Variants in PRDM6 observed in about 807,000 individuals in gnomAD.
PRDM6 encodes the protein putative histone-lysine N-methyltransferase PRDM6.
Under a neutral mutation model 60.8 loss-of-function variants are expected in PRDM6, and 25 were observed. The observed-to-expected ratio is 0.41, with a 90% CI of 0.30 to 0.57. The LOEUF (loss-of-function observed/expected upper bound fraction) is 0.57, where lower values mean the gene tolerates loss of function less well. Ranked by LOEUF, PRDM6 falls within the 20% of genes least tolerant of loss-of-function variation. The pLI, the probability that PRDM6 is intolerant of heterozygous loss-of-function variation, is 0.27. For synonymous variants in PRDM6, 407 were observed against 357.4 expected, an observed-to-expected ratio of 1.14 and a Z score of -1.57; for missense variants, 839 against 821.3, an observed-to-expected ratio of 1.02 and a Z score of -0.26.
intron 3 of PRDM6, among the ~76,000 whole-genome samples, chr5:123,123,743 T>C (rs773629771): frequency 6.6e-6 from 1 of 152,218 alleles, no homozygotes; most frequent in African/African-American, 2.4e-5. Context: ...TTGGAAACTT[T>C]AGGCCCATTT....
intron 4 of PRDM6, 77 bp from the exon 5 acceptor site, chr5:123,159,437 T>A: frequency 6.0e-6 from 9 of 1,498,014 alleles, no homozygotes; most frequent in Non-Finnish European, 7.2e-6. Flanking sequence ...TAGAACTTTT[T>A]CAGGGCAATA....
intron 7 of PRDM6, among the ~76,000 whole-genome samples, chr5:123,184,683 T>C (rs1473275492): frequency 1.3e-5 from 2 of 152,126 alleles, no homozygotes; most frequent in Non-Finnish European, 2.9e-5. Flanking sequence ...TTGAGATGAG[T>C]TTCATTAAAG....
rs773739323 is a variant in PRDM6, at chr5:123,159,537, G to C, written c.1052G>C (p.Cys351Ser). ...QYRSNIFYRA[C>S]IDIPRGTELL... ...AGGTCGAATATATTCTACCGAGCCT[G>C]TATAGATATCCCTAGGGGCACCGAG... Residue 351 changes from cysteine (C) to serine (S), a missense_variant, in exon 5 of 8, where the codon TGT (cysteine) becomes TCT (serine). Cys to Ser is a moderately radical substitution (Grantham distance 112). This residue lies in a region of PRDM6 where 730 missense variants were observed against 648.8 expected (regional missense o/e 1.13). Coordinates refer to ENST00000407847, the MANE Select transcript of PRDM6 (RefSeq NM_001136239.4). 1.3e-6 allele frequency: 2 copies of C among 1,551,454 alleles called. No individual in the cohort carries two copies. The highest frequency in any genetic ancestry group is 3.9e-5 in the Admixed American group (2 of 51,004).
chr5:123,106,932 C>T (rs163189), intron 3 of PRDM6, among the ~76,000 whole-genome samples: 123,405 of 152,232 alleles, frequency 0.81, 50,370 homozygotes, highest in Middle Eastern at 0.87. Context: ...CATTCCCTGA[C>T]ATCTATAGCT....
intron 3 of PRDM6, among the ~76,000 whole-genome samples, chr5:123,150,009 C>T (rs1399111562): frequency 1.3e-5 from 2 of 152,108 alleles, no homozygotes; most frequent in South Asian, 2.1e-4. Context: ...GGCCAGTGTC[C>T]GTGAGCAAGT....
intron 3 of PRDM6, among the ~76,000 whole-genome samples, chr5:123,140,911 A>C (rs943862534): frequency 4.6e-5 from 7 of 152,214 alleles, no homozygotes; most frequent in African/African-American, 1.7e-4. Context: ...TTTACAGGCT[A>C]TTCTTTCATC....
chr5:123,108,129 G>A (rs1342188256), intron 3 of PRDM6, among the ~76,000 whole-genome samples: 1 of 151,990 alleles, frequency 6.6e-6, no homozygotes, highest in Non-Finnish European at 1.5e-5. Context: ...ATGCAATTGT[G>A]AAATAATGAT....
At chr5:123,103,663 T>G (rs1174642446) in intron 3 of PRDM6, among the ~76,000 whole-genome samples, 1 of 152,034 alleles carries the variant, frequency 6.6e-6, no homozygotes, top group East Asian at 1.9e-4. Flanking sequence ...TTAATCTAGT[T>G]GCACACGGTT....
rs375487572 is a variant in PRDM6, at chr5:123,135,288, G to T, written c.901-20596G>T. ...ATTTTATTTATTCTATCAGATGAAG[G>T]TTTAGAAACCAGCAACTCAGACACA... On this transcript the variant is annotated intron_variant, in intron 3 of 7. Transcript: ENST00000407847. Among the ~76,000 whole-genome samples the T allele has an allele frequency of 1.5e-4, 23 of 152,286 alleles. No individual in the cohort carries two copies. The East Asian group carries it at 2.1e-3, about 14-fold the overall frequency.
intron 3 of PRDM6, among the ~76,000 whole-genome samples, chr5:123,122,789 T>TA (rs199503171): frequency 2.6e-5 from 4 of 151,628 alleles, no homozygotes; most frequent in South Asian, 4.2e-4. Flanking sequence ...AATAAACCTT[T>TA]AAAAAAAAAG....
chr5:123,150,821 C>T (rs116217039), intron 3 of PRDM6, among the ~76,000 whole-genome samples: 15 of 152,244 alleles, frequency 9.9e-5, no homozygotes, highest in Admixed American at 3.9e-4. Flanking sequence ...AAATCTCCAA[C>T]GACCTTTTCT....
Position 123,157,034 on chromosome 5 carries a change from C to A in PRDM6, c.1028+1023C>A, listed in dbSNP as rs190192359. On this transcript the variant is annotated intron_variant, in intron 4 of 7. Transcript: ENST00000407847. ...GGCTCTGTGCTCAGCAACTTGGAGT[C>A]CTGCCTATGGCTATTTATTTTCCTT... Among the ~76,000 whole-genome samples the A allele has an allele frequency of 5.8e-4, 88 of 151,728 alleles. No homozygotes were observed. The East Asian group carries it at 0.016, about 27-fold the overall frequency.
At chr5:123,125,061 A>T (rs1438765655) in intron 3 of PRDM6, among the ~76,000 whole-genome samples, 11 of 138,314 alleles carry the variant, frequency 8.0e-5, no homozygotes, top group East Asian at 2.1e-4. Flanking sequence ...AACTTACAAC[A>T]TTTTTTTTTT....
At position 123,191,856 on chromosome 5, in the gene PRDM6, A is replaced by T. The variant is rs575826316; in HGVS notation, c.*4655A>T. The T allele has an allele frequency of 6.6e-6, 1 of 152,354 alleles. No homozygotes were observed. Among genetic ancestry groups the T allele is most frequent in the Non-Finnish European group, 1.5e-5 (1 of 68,040 alleles). The allele number at this position is 152,354 out of a possible 1,614,324, so 9.4% of individuals were successfully genotyped here. On this transcript the variant is annotated 3_prime_UTR_variant, in exon 8 of 8. Transcript: ENST00000407847. ...ACTGGCCAGACAGAGCCAAACTGAA[A>T]AGAATATTGCTTTATCTGTGGAAAC...
chr5:123,164,016 GCCCT>G, intron 5 of PRDM6, among the ~76,000 whole-genome samples: 1 of 152,246 alleles, frequency 6.6e-6, no homozygotes, highest in Admixed American at 6.5e-5. Flanking sequence ...AGTCAGGAAG[GCCCT>G]ACTCAAGCCC....
At chr5:123,127,195 G>T (rs1001459439) in intron 3 of PRDM6, among the ~76,000 whole-genome samples, 2 of 152,112 alleles carry the variant, frequency 1.3e-5, no homozygotes, top group African/African-American at 4.8e-5. Flanking sequence ...ACACCACCAT[G>T]CCTGGCTAAT....
intron 3 of PRDM6, among the ~76,000 whole-genome samples, chr5:123,147,308 A>AGAGAGAGAGAGAGAG (rs1561853193): frequency 1.3e-5 from 2 of 148,724 alleles, no homozygotes; most frequent in Non-Finnish European, 1.5e-5. Flanking sequence ...AGAGAGAGAG[A>AGAGAGAGAGAGAGAG]AAACGAACAA....
chr5:123,111,707 C>CAAA (rs70988559), intron 3 of PRDM6, among the ~76,000 whole-genome samples: 28 of 103,814 alleles, frequency 2.7e-4, no homozygotes, highest in Non-Finnish European at 4.6e-4. Flanking sequence ...CAAAACAAAA[C>CAAA]AAAAAAAAAA....
intron 3 of PRDM6, among the ~76,000 whole-genome samples, chr5:123,113,363 C>G (rs1279397821): frequency 1.3e-5 from 2 of 152,160 alleles, no homozygotes; most frequent in East Asian, 3.8e-4. Flanking sequence ...TATCTGATTG[C>G]AATAACGAGA....
Sources: gnomAD v4.1 joint callset for allele counts (sites outside exome capture counted in the v4.1 genomes callset) on GRCh38, gnomAD v4.1.1 for gene constraint, gnomAD v4.1.1 regional missense constraint, MANE v1.5 for transcripts, NCBI Gene and HGNC (gene_info 2026-07-23, HGNC 2026-07-21) for gene names.